Variants in CACNB2 observed in about 807,000 individuals in gnomAD.
The protein encoded by CACNB2 is calcium voltage-gated channel auxiliary subunit beta 2, also known as voltage-dependent L-type calcium channel subunit beta-2.
Under a neutral mutation model 73.3 loss-of-function variants are expected in CACNB2, and 42 were observed. The observed-to-expected ratio is 0.57, with a 90% CI of 0.45 to 0.74. The LOEUF (loss-of-function observed/expected upper bound fraction) is 0.74, where lower values mean the gene tolerates loss of function less well. Among genes scored for constraint, CACNB2 ranks in the 30% least tolerant of loss-of-function variants. The probability of loss-of-function intolerance (pLI) is 0.00; values close to 1 mark genes in which losing one functional copy is unlikely to be tolerated. For synonymous variants in CACNB2, 348 were observed against 310.3 expected (o/e 1.12, Z -1.28); for missense variants, 940 against 853.0 (o/e 1.10, Z -1.27).
Position 18,320,615 on chromosome 10 carries a change from G to C in CACNB2, c.214-81309G>C, listed in dbSNP as rs114438771. 6.3e-3 allele frequency among the ~76,000 whole-genome samples: 953 copies of C among 152,312 alleles called. 11 individuals are homozygous for C. Among genetic ancestry groups the C allele is most frequent in the African/African-American group, 0.02 (835 of 41,544 alleles). ...ACTTACTAACTGTGATCTTGGGCCA[G>C]TTACTTAACTTCCCATGCCATTGTC... On this transcript the variant is annotated intron_variant, in intron 2 of 13. Coordinates refer to ENST00000324631, the MANE Select transcript of CACNB2 (RefSeq NM_201596.3).
At chr10:18,313,676 T>A (rs996777405) in intron 2 of CACNB2, among the ~76,000 whole-genome samples, 1 of 152,166 alleles carries the variant, frequency 6.6e-6, no homozygotes, top group Non-Finnish European at 1.5e-5. Context: ...ATAATCAATC[T>A]ATTAAGGGGA....
intron 9 of CACNB2, among the ~76,000 whole-genome samples, chr10:18,526,888 G>A (rs539999843): frequency 5.3e-5 from 8 of 152,100 alleles, no homozygotes; most frequent in African/African-American, 1.9e-4. Flanking sequence ...AGGAGTCTGG[G>A]TTCAAATCCC....
chr10:18,354,546 A>T (rs896557220), intron 2 of CACNB2, among the ~76,000 whole-genome samples: 7 of 152,222 alleles, frequency 4.6e-5, no homozygotes, highest in Admixed American at 2.0e-4. Flanking sequence ...CTGAGGTCAC[A>T]GAAGATGAAG....
At chr10:18,299,067 T>TAAAAAAA (rs71402154) in intron 2 of CACNB2, among the ~76,000 whole-genome samples, 1 of 120,948 alleles carries the variant, frequency 8.3e-6, no homozygotes, top group Admixed American at 8.2e-5. Context: ...TAAAGTATAC[T>TAAAAAAA]AAAAAAAAAA....
chr10:18,358,785 CAA>C (rs1160618317), intron 2 of CACNB2, among the ~76,000 whole-genome samples: 3 of 152,038 alleles, frequency 2.0e-5, no homozygotes, highest in Admixed American at 2.0e-4. Context: ...AAGAAACAAA[CAA>C]TAGAATAAAA....
At position 18,140,845 on chromosome 10, in the gene CACNB2, G is replaced by A. The variant is rs1422197851; in HGVS notation, c.109G>A (p.Ala37Thr). ...ENVAPAGALG[A>T]AAQSYGKGAR... The stretch of plus-strand genomic sequence containing the variant: ...CGTGGCTCCCGCGGGGGCGCTCGGA[G>A]CCGCCGCACAGGTAGCGAGAGCGCG... Residue 37 changes from alanine (A) to threonine (T), a missense_variant, in exon 1 of 14, where the codon GCC (alanine) becomes ACC (threonine). Coordinates refer to ENST00000324631, the MANE Select transcript of CACNB2 (RefSeq NM_201596.3). The A allele has an allele frequency of 1.9e-6, 3 of 1,601,888 alleles. No homozygotes were observed. Among genetic ancestry groups the A allele is most frequent in the South Asian group, 1.1e-5 (1 of 89,094 alleles).
chr10:18,148,580 G>C (rs773670562), intron 1 of CACNB2, among the ~76,000 whole-genome samples: 13 of 152,162 alleles, frequency 8.5e-5, no homozygotes, highest in Admixed American at 3.9e-4. Flanking sequence ...TTGTACAATT[G>C]TAAGCAACCA....
intron 9 of CACNB2, among the ~76,000 whole-genome samples, chr10:18,519,308 A>G (rs974037337): frequency 6.6e-5 from 10 of 152,094 alleles, no homozygotes; most frequent in African/African-American, 2.4e-4. Flanking sequence ...CCACTCTTCT[A>G]AAAGACTTCT....
chr10:18,535,513 C>CT (rs2053476520), intron 11 of CACNB2, among the ~76,000 whole-genome samples: 1 of 152,068 alleles, frequency 6.6e-6, no homozygotes, highest in Non-Finnish European at 1.5e-5. Flanking sequence ...TGGCTCATAC[C>CT]TGTAATCCCA....
chr10:18,508,360 A>G (rs2050598572), intron 6 of CACNB2, among the ~76,000 whole-genome samples: 1 of 152,208 alleles, frequency 6.6e-6, no homozygotes, highest in Non-Finnish European at 1.5e-5. Flanking sequence ...CTTGATAATT[A>G]CGGAGCCCCT....
chr10:18,470,486 T>C (rs1419394785), intron 3 of CACNB2, among the ~76,000 whole-genome samples: 2 of 150,842 alleles, frequency 1.3e-5, no homozygotes, highest in African/African-American at 4.9e-5. Flanking sequence ...ATATATTACA[T>C]ATGATATACT....
intron 2 of CACNB2, among the ~76,000 whole-genome samples, chr10:18,290,457 C>T (rs1460440180): frequency 6.6e-6 from 1 of 152,140 alleles, no homozygotes; most frequent in African/African-American, 2.4e-5. Context: ...CCCTCTGTCA[C>T]CTCCCATCAC....
intron 2 of CACNB2, among the ~76,000 whole-genome samples, chr10:18,186,142 A>G (rs568509989): frequency 2.0e-5 from 3 of 152,308 alleles, no homozygotes; most frequent in South Asian, 2.1e-4. Context: ...ACCTGAGGCC[A>G]GGCATGGTAG....
chr10:18,435,322 G>A (rs931913618), intron 3 of CACNB2, among the ~76,000 whole-genome samples: 16 of 152,176 alleles, frequency 1.1e-4, no homozygotes, highest in Admixed American at 2.0e-4. Flanking sequence ...GTTAAAAACC[G>A]TGAAAATCCA....
intron 3 of CACNB2, among the ~76,000 whole-genome samples, chr10:18,404,901 A>T (rs930979039): frequency 6.6e-6 from 1 of 152,230 alleles, no homozygotes; most frequent in Non-Finnish European, 1.5e-5. Flanking sequence ...TGAACAGATT[A>T]GATGTTAATT....
At chr10:18,299,066 C>CG (rs1663146185) in intron 2 of CACNB2, among the ~76,000 whole-genome samples, 1 of 21,676 alleles carries the variant, frequency 4.6e-5, no homozygotes, top group Non-Finnish European at 1.1e-4. Context: ...TTAAAGTATA[C>CG]TAAAAAAAAA....
chr10:18,505,532 T>G (rs1256316168), intron 5 of CACNB2, among the ~76,000 whole-genome samples: 1 of 152,222 alleles, frequency 6.6e-6, no homozygotes, highest in Non-Finnish European at 1.5e-5. Flanking sequence ...ATTTCCATAT[T>G]AATATTTACG....
At chr10:18,279,333 C>A (rs1005008741) in intron 2 of CACNB2, among the ~76,000 whole-genome samples, 2 of 152,094 alleles carry the variant, frequency 1.3e-5, no homozygotes, top group African/African-American at 2.4e-5. Flanking sequence ...GTAACTCTTA[C>A]GAATAATGAA....
rs191664541 is a variant in CACNB2, at chr10:18,435,136, T to C, written c.333+33093T>C. Among the ~76,000 whole-genome samples, 108 of 152,324 alleles carry C rather than the reference T, an allele frequency of 7.1e-4. 1 individual carries two copies. The highest frequency in any genetic ancestry group is 2.5e-3 in the African/African-American group (103 of 41,572). On this transcript the variant is annotated intron_variant, in intron 3 of 13. Transcript: ENST00000324631. Reference sequence around the variant, plus strand: ...CACACAAGGATAATCTGGCTTCTCCTCTGCCTTCTGCGTGTCACACAAGTG... The same window carrying C: ...CACACAAGGATAATCTGGCTTCTCCCCTGCCTTCTGCGTGTCACACAAGTG...
Sources: allele counts gnomAD v4.1 joint callset (sites outside exome capture counted in the v4.1 genomes callset), GRCh38; gene constraint gnomAD v4.1.1; transcripts MANE v1.5; gene names NCBI Gene and HGNC (gene_info 2026-07-23, HGNC 2026-07-21).